The following SMARCA4 variants were observed in gnomAD, a reference collection of about 807,000 sequenced individuals.
The protein encoded by SMARCA4 is SWI/SNF related BAF chromatin remodeling complex subunit ATPase 4.
Under a neutral mutation model 193.9 loss-of-function variants are expected in SMARCA4, and 31 were observed. That is an observed-to-expected ratio of 0.16 (90% CI 0.12 to 0.22). SMARCA4 has a LOEUF of 0.22. SMARCA4 is among the 10% of genes least tolerant of loss of function. The pLI is 1.00. For missense variants in SMARCA4, 1,148 were observed against 2,296.0 expected (o/e 0.50, Z 10.22); for synonymous variants, 942 against 933.1 (o/e 1.01, Z -0.17).
intron 11 of SMARCA4, among the ~76,000 whole-genome samples, 194 bp downstream of exon 11, chr19:10,996,738 T>A (rs1229672500): frequency 6.6e-6 from 1 of 152,234 alleles, no homozygotes; most frequent in Non-Finnish European, 1.5e-5. Flanking sequence ...CAGACCTTTT[T>A]CTATGCATGT....
At chr19:11,045,869 G>T (rs2075874831) in intron 30 of SMARCA4, among the ~76,000 whole-genome samples, 1 of 151,982 alleles carries the variant, frequency 6.6e-6, no homozygotes. Flanking sequence ...GATCACTTGA[G>T]CCCAGGAGTT....
chr19:11,052,804 C>T (rs1049736868), intron 30 of SMARCA4, among the ~76,000 whole-genome samples: 2 of 152,308 alleles, frequency 1.3e-5, no homozygotes, highest in South Asian at 2.1e-4. Flanking sequence ...CTGCCTGCGG[C>T]GTAGGGGAGC....
At position 11,033,531 on chromosome 19, in the gene SMARCA4, C is replaced by T. The variant is rs200481546; in HGVS notation, c.3774+14C>T. The T allele has an allele frequency of 1.3e-5, 21 of 1,597,530 alleles. No homozygotes were observed. The highest frequency in any genetic ancestry group is 8.9e-5 in the East Asian group (4 of 44,788). ...GAGCAGGATGAGGTGAGCCCAGCACCGGCCCCGACCCCTCCCCAGCGTGAA... is the reference window on the plus strand; with the variant it reads ...GAGCAGGATGAGGTGAGCCCAGCACTGGCCCCGACCCCTCCCCAGCGTGAA... On this transcript the variant is annotated intron_variant, in intron 26 of 34. Transcript: ENST00000344626. The surrounding 1 kb of genome is among the most constrained non-coding windows in gnomAD (Gnocchi z 9.8).
At chr19:11,026,416 T>G (rs1292431051) in intron 23 of SMARCA4, 70 bp downstream of exon 23, 9 of 1,158,224 alleles carry the variant, frequency 7.8e-6, no homozygotes, top group Admixed American at 1.7e-5. Flanking sequence ...TTTTGTTGGC[T>G]TTATTGCTGC....
At chr19:10,965,460 C>G (rs1254083066) in intron 1 of SMARCA4, among the ~76,000 whole-genome samples, 1 of 152,186 alleles carries the variant, frequency 6.6e-6, no homozygotes, top group African/African-American at 2.4e-5. Context: ...TATACTTTTT[C>G]CTCTAGTCAT....
chr19:11,059,224 A>G (rs1490719914), intron 32 of SMARCA4: 2 of 329,096 alleles, frequency 6.1e-6, no homozygotes, highest in South Asian at 3.2e-5. Context: ...AAATAGACTC[A>G]GAGTCCTCTG....
At chr19:11,057,089 C>G (rs1039127736) in intron 30 of SMARCA4, among the ~76,000 whole-genome samples, 1 of 152,260 alleles carries the variant, frequency 6.6e-6, no homozygotes, top group African/African-American at 2.4e-5. Flanking sequence ...TCCCATCAGG[C>G]CCCGTTGGCC....
chr19:10,992,614 G>A lies in SMARCA4; in HGVS notation c.1419+1291G>A, dbSNP rs141931657. ...TGTTTTTTTCTTTTTTTGAGACAGA[G>A]TTTCACTCTTGTTGCCCAGGCCGGA... On this transcript the variant is annotated intron_variant, in intron 8 of 34. Coordinates refer to ENST00000344626, the MANE Select transcript of SMARCA4 (RefSeq NM_003072.5). Among the ~76,000 whole-genome samples the A allele has an allele frequency of 1.7e-3, 257 of 151,320 alleles. 1 individual carries two copies. The highest frequency in any genetic ancestry group is 6.8e-3 in the Middle Eastern group (2 of 292).
intron 1 of SMARCA4, among the ~76,000 whole-genome samples, chr19:10,974,693 T>TTA (rs2084979976): frequency 7.8e-5 from 2 of 25,518 alleles, no homozygotes; most frequent in African/African-American, 2.8e-4. Flanking sequence ...ATATATATTT[T>TTA]TTTTTTTTTT....
rs1377235968 is a variant in SMARCA4, at chr19:11,023,553, C to T, written c.2895C>T (p.Ile965=). 5.6e-6 allele frequency: 9 copies of T among 1,613,318 alleles called. No individual in the cohort carries two copies. Among genetic ancestry groups the T allele is most frequent in the Non-Finnish European group, 6.8e-6 (8 of 1,179,602 alleles). ...ATGAGGAGGAAACCATTCTCATCATCCGGCGTCTCCACAAAGTGCTGCGGC... is the reference window on the plus strand; with the variant it reads ...ATGAGGAGGAAACCATTCTCATCATTCGGCGTCTCCACAAAGTGCTGCGGC... ...DLNEEETILI[I]RRLHKVLRPF... Residue 965 remains isoleucine (I), a synonymous_variant, in exon 20 of 35, where the codon ATC becomes ATT. Transcript: ENST00000344626.
At chr19:10,993,802 C>T (rs760182422) in intron 8 of SMARCA4, among the ~76,000 whole-genome samples, 32 of 151,956 alleles carry the variant, frequency 2.1e-4, no homozygotes, top group Admixed American at 6.6e-4. Flanking sequence ...CCAGCCACCA[C>T]GCCCGGCTAA....
intron 29 of SMARCA4, among the ~76,000 whole-genome samples, chr19:11,037,587 A>G (rs1452469906): frequency 6.6e-6 from 1 of 152,212 alleles, no homozygotes; most frequent in East Asian, 1.9e-4. Flanking sequence ...CATTCTGCAC[A>G]TTCTCTTTTC....
intron 18 of SMARCA4, among the ~76,000 whole-genome samples, chr19:11,020,339 G>T (rs549241861): frequency 6.6e-6 from 1 of 152,062 alleles, no homozygotes; most frequent in Non-Finnish European, 1.5e-5. Context: ...TTGAGGAGGG[G>T]TAAAGATGTA....
chr19:10,996,167 A>C (rs1256172987), intron 9 of SMARCA4, 46 bp from the exon 10 acceptor site: 2 of 1,604,128 alleles, frequency 1.2e-6, no homozygotes, highest in South Asian at 2.2e-5. Flanking sequence ...GCTCACAGAC[A>C]TGCACATTGT....
chr19:11,039,617 C>T lies in SMARCA4; in HGVS notation c.4171-1690C>T. The T allele has an allele frequency of 6.0e-6, 5 of 838,204 alleles. No individual in the cohort carries two copies. In the South Asian group the frequency reaches 7.7e-5, roughly 13 times the overall value. The allele number at this position is 838,204 out of a possible 1,614,324, so 51.9% of individuals were successfully genotyped here. A position where few individuals can be genotyped will look rare whatever the true frequency, so the allele number is the denominator to read the frequency against. On this transcript the variant is annotated intron_variant, in intron 29 of 34. Coordinates refer to ENST00000344626, the MANE Select transcript of SMARCA4 (RefSeq NM_003072.5). ...CACAACACTGGGGACGTGCCTAATG[C>T]CCCTGAACTGTGTACTAAAACATGG...
At chr19:10,995,778 GGTT>G in intron 9 of SMARCA4, 2 of 360,822 alleles carry the variant, frequency 5.5e-6, no homozygotes, top group Non-Finnish European at 5.5e-6. Context: ...GAGGACTCTG[GGTT>G]GAGTTCTGAT....
At chr19:10,997,334 G>T (rs1568445940) in intron 11 of SMARCA4, among the ~76,000 whole-genome samples, 1 of 152,122 alleles carries the variant, frequency 6.6e-6, no homozygotes, top group African/African-American at 2.4e-5. Flanking sequence ...GAGTAGCTGG[G>T]ACTACAGGCA....
chr19:11,033,042 T>C lies in SMARCA4; in HGVS notation c.3547-248T>C. ...GGTTGGTGCTTTCTTCCCGAATATC[T>C]GTGGGGTCCCAATAAGGTAGAAGGT... On this transcript the variant is annotated intron_variant, in intron 25 of 34. Transcript: ENST00000344626. This position sits in a 1 kb window ranked among gnomAD's most constrained non-coding sequence, Gnocchi z 9.8. The C allele has an allele frequency of 1.7e-6, 1 of 591,024 alleles. No individual in the cohort carries two copies. The highest frequency in any genetic ancestry group is 1.9e-5 in the South Asian group (1 of 51,774). The allele number at this position is 591,024 out of a possible 1,614,324, so 36.6% of individuals were successfully genotyped here.
chr19:10,987,635 C>T lies in SMARCA4; in HGVS notation c.860-31C>T, dbSNP rs1019320512. 1 of 1,612,474 alleles carries T rather than the reference C, an allele frequency of 6.2e-7. No individual in the cohort carries two copies. The highest frequency in any genetic ancestry group is 1.3e-5 in the African/African-American group (1 of 75,022). ...GCCCGGGATGGGCCCCAGAGCTCAACATGACGCCCTGGCCCCTTGCCTTCT... is the reference window on the plus strand; with the variant it reads ...GCCCGGGATGGGCCCCAGAGCTCAATATGACGCCCTGGCCCCTTGCCTTCT... On this transcript the variant is annotated intron_variant, in intron 5 of 34. Transcript: ENST00000344626. The surrounding 1 kb of genome is among the most constrained non-coding windows in gnomAD (Gnocchi z 5.3).
Sources: gnomAD v4.1 joint callset for allele counts (sites outside exome capture counted in the v4.1 genomes callset) on GRCh38, gnomAD v4.1.1 for gene constraint, Gnocchi (gnomAD v3.1) non-coding constraint, MANE v1.5 for transcripts, NCBI Gene and HGNC (gene_info 2026-07-23, HGNC 2026-07-21) for gene names.